Variants in BAZ2B observed in about 807,000 individuals in gnomAD.
The protein encoded by BAZ2B is bromodomain adjacent to zinc finger domain protein 2B.
Under a neutral mutation model 246.0 loss-of-function variants are expected in BAZ2B, and 91 were observed. The observed-to-expected ratio is 0.37, with a 90% CI of 0.31 to 0.44. The LOEUF is 0.44. BAZ2B is among the 20% of genes least tolerant of loss of function. The pLI is 1.00. For missense variants in BAZ2B, 2,332 were observed against 2,533.7 expected (o/e 0.92, Z 1.71); for synonymous variants, 855 against 860.0 (o/e 0.99, Z 0.10).
chr2:159,485,867 T>A (rs947222697), intron 2 of BAZ2B, among the ~76,000 whole-genome samples: 2 of 152,096 alleles, frequency 1.3e-5, no homozygotes, highest in African/African-American at 4.8e-5. Flanking sequence ...TTTTAAAGAT[T>A]TACTCTTGTT....
rs2086136705 is a variant in BAZ2B, at chr2:159,537,392, T to C, written c.-3+18431A>G. Among the ~76,000 whole-genome samples, 4 of 152,396 alleles carry C rather than the reference T, an allele frequency of 2.6e-5. No individual in the cohort carries two copies. The South Asian group carries it at 8.3e-4, about 32-fold the overall frequency. The stretch of plus-strand genomic sequence containing the variant: ...CTGTACATCCCCAAAGGTCTGACTT[T>C]CAGTCTTCTTCTGGATAAAGGGATA... On this transcript the variant is annotated intron_variant, in intron 2 of 36. Coordinates refer to ENST00000392783, the MANE Select transcript of BAZ2B (RefSeq NM_013450.4).
chr2:159,355,127 G>C (rs1013034189), intron 27 of BAZ2B, among the ~76,000 whole-genome samples: 5 of 152,112 alleles, frequency 3.3e-5, no homozygotes. Context: ...CTTTCAGAGA[G>C]TTTTTACTAA....
chr2:159,651,320 A>C, the BAZ2B span, among the ~76,000 whole-genome samples: 2 of 152,180 alleles, frequency 1.3e-5, no homozygotes, highest in Non-Finnish European at 2.9e-5. Flanking sequence ...TAGGAGAAAA[A>C]GTTTCTCTCT....
chr2:159,565,112 C>T (rs1217012968), intron 1 of BAZ2B, among the ~76,000 whole-genome samples: 1 of 152,178 alleles, frequency 6.6e-6, no homozygotes. Context: ...CTCAGATGAT[C>T]CGCCTGCCTT....
the BAZ2B span, among the ~76,000 whole-genome samples, chr2:159,692,402 T>C: frequency 6.6e-6 from 1 of 152,186 alleles, no homozygotes; most frequent in Admixed American, 6.5e-5. Context: ...AGGTGATCTG[T>C]CCACCTCGGC....
intron 2 of BAZ2B, among the ~76,000 whole-genome samples, chr2:159,521,952 A>C (rs905115227): frequency 6.6e-6 from 1 of 152,054 alleles, no homozygotes; most frequent in Non-Finnish European, 1.5e-5. Flanking sequence ...TTTTAAAGTC[A>C]CTTTTGTAAT....
chr2:159,547,907 T>C (rs1432902004), intron 2 of BAZ2B, among the ~76,000 whole-genome samples: 1 of 152,198 alleles, frequency 6.6e-6, no homozygotes, highest in Non-Finnish European at 1.5e-5. Context: ...AAGCTAAACT[T>C]ATATCTGTGC....
chr2:159,608,847 C>T (rs1487301615), intron 1 of BAZ2B, among the ~76,000 whole-genome samples: 4 of 152,012 alleles, frequency 2.6e-5, no homozygotes, highest in Admixed American at 2.6e-4. Context: ...ACAAACCTAT[C>T]CAGCCATTTC....
At chr2:159,343,658 C>T (rs1261515102) in intron 31 of BAZ2B, among the ~76,000 whole-genome samples, 2 of 152,090 alleles carry the variant, frequency 1.3e-5, no homozygotes, top group African/African-American at 2.4e-5. Context: ...CTGAACATCA[C>T]CACTCATCAG....
At chr2:159,554,796 G>C (rs549096177) in intron 2 of BAZ2B, among the ~76,000 whole-genome samples, 1 of 151,980 alleles carries the variant, frequency 6.6e-6, no homozygotes, top group Non-Finnish European at 1.5e-5. Flanking sequence ...GTTCATGATT[G>C]TAATTCAGAT....
At chr2:159,678,998 C>T in the BAZ2B span, among the ~76,000 whole-genome samples, 17 of 152,106 alleles carry the variant, frequency 1.1e-4, no homozygotes, top group African/African-American at 3.4e-4. Flanking sequence ...ATGGGCCGGG[C>T]GCGGTGGCTC....
At chr2:159,702,313 C>A in the BAZ2B span, among the ~76,000 whole-genome samples, 2 of 152,118 alleles carry the variant, frequency 1.3e-5, no homozygotes, top group Non-Finnish European at 2.9e-5. Flanking sequence ...TAGCTTTCTT[C>A]TAAGCACAGA....
At chr2:159,596,781 C>T (rs1018006116) in intron 1 of BAZ2B, among the ~76,000 whole-genome samples, 5 of 152,198 alleles carry the variant, frequency 3.3e-5, no homozygotes, top group Admixed American at 1.3e-4. Flanking sequence ...TGAGAACATA[C>T]GATGTTTGGT....
chr2:159,563,996 C>G (rs1038943292), intron 1 of BAZ2B, among the ~76,000 whole-genome samples: 2 of 152,144 alleles, frequency 1.3e-5, no homozygotes, highest in African/African-American at 4.8e-5. Context: ...GGGAGTATAG[C>G]ACTGAACAAG....
chr2:159,421,441 T>C (rs909053036), intron 13 of BAZ2B, among the ~76,000 whole-genome samples: 13 of 152,106 alleles, frequency 8.5e-5, no homozygotes, highest in African/African-American at 3.1e-4. Context: ...TCCCAAAGTG[T>C]TGGGATTACA....
the BAZ2B span, among the ~76,000 whole-genome samples, chr2:159,634,321 A>G: frequency 6.6e-6 from 1 of 152,172 alleles, no homozygotes; most frequent in African/African-American, 2.4e-5. Flanking sequence ...CAATTTTTAA[A>G]AATCTCATCC....
At chr2:159,501,294 T>A (rs2151108702) in intron 2 of BAZ2B, among the ~76,000 whole-genome samples, 1 of 138,458 alleles carries the variant, frequency 7.2e-6, no homozygotes, top group East Asian at 2.0e-4. Flanking sequence ...CTCAGGAGGC[T>A]GATGGGGGAT....
Position 159,439,096 on chromosome 2 carries a change from ATCT to A in BAZ2B, c.810_812del (p.Glu270del), listed in dbSNP as rs754132230. 4 of 1,613,832 alleles carry A rather than the reference ATCT, an allele frequency of 2.5e-6. No homozygotes were observed. In the South Asian group the frequency reaches 4.4e-5, roughly 18 times the overall value. ...CAATACTTTGATCTTCTTCTTCTTC[ATCT>A]TCTTCTAGATCATCTGAATCACTGC... On this transcript the variant is annotated inframe_deletion, in exon 7 of 37. Coordinates refer to ENST00000392783, the MANE Select transcript of BAZ2B (RefSeq NM_013450.4).
At chr2:159,437,704 G>T (rs2072642089) in intron 8 of BAZ2B, 1 of 152,250 alleles carries the variant, frequency 6.6e-6, no homozygotes, top group South Asian at 2.1e-4. Context: ...ATCACTTGAG[G>T]TCAGGAATTT....
Sources: gnomAD v4.1 joint callset for allele counts (sites outside exome capture counted in the v4.1 genomes callset) on GRCh38, gnomAD v4.1.1 for gene constraint, MANE v1.5 for transcripts, NCBI Gene and HGNC (gene_info 2026-07-23, HGNC 2026-07-21) for gene names.